MCF2L: variants seen among roughly 807,000 people sequenced by gnomAD.
The protein encoded by MCF2L is MCF.2 cell line derived transforming sequence like.
MCF2L carries 97 observed loss-of-function variants against 153.4 expected under a neutral mutation model. The observed-to-expected ratio is 0.63, with a 90% CI of 0.54 to 0.75. The LOEUF is 0.75. MCF2L is among the 30% of genes least tolerant of loss of function. The pLI, the probability that MCF2L is intolerant of heterozygous loss-of-function variation, is 0.00. For missense variants in MCF2L, 1,347 were observed against 1,495.2 expected (o/e 0.90, Z 1.64); for synonymous variants, 659 against 632.2 (o/e 1.04, Z -0.64).
chr13:112,926,156 C>T (rs778975088), intron 2 of MCF2L, among the ~76,000 whole-genome samples: 6 of 152,200 alleles, frequency 3.9e-5, no homozygotes, highest in South Asian at 4.1e-4. Context: ...CAGCGGAGTG[C>T]GGTACGGCCT....
chr13:113,085,175 C>G lies in MCF2L; in HGVS notation c.2244C>G (p.Leu748=). The change falls in exon 20 of 30, where the codon CTC becomes CTG. Residue 748 remains leucine, a synonymous_variant. Coordinates refer to ENST00000535094, the MANE Select transcript of MCF2L (RefSeq NM_001112732.3). ...VQRITKYQLL[L]KEMLKYSRNC... ...GGATCACCAAGTACCAGCTGCTGCT[C>G]AAGGTGGGCTCCGCGGTGACCGTGG... is the stretch of plus-strand genomic sequence containing the variant. The G allele has an allele frequency of 1.9e-6, 3 of 1,613,104 alleles. No homozygotes were observed. Among genetic ancestry groups the G allele is most frequent in the Non-Finnish European group, 2.5e-6 (3 of 1,179,838 alleles).
chr13:112,958,950 C>T (rs926887371), intron 2 of MCF2L, among the ~76,000 whole-genome samples: 27 of 152,268 alleles, frequency 1.8e-4, no homozygotes, highest in African/African-American at 6.0e-4. Context: ...GATGGCTGCA[C>T]CTCCCCCCGG....
chr13:113,050,229 T>A (rs1431190567), intron 4 of MCF2L, among the ~76,000 whole-genome samples: 51 of 151,026 alleles, frequency 3.4e-4, no homozygotes, highest in African/African-American at 1.1e-3. Context: ...ACTGTGTGAG[T>A]GTGTGAGTGT....
At chr13:112,972,080 TTCTTCAGGAA>T (rs2140831392) in intron 1 of MCF2L, among the ~76,000 whole-genome samples, 1 of 152,370 alleles carries the variant, frequency 6.6e-6, no homozygotes, top group South Asian at 2.1e-4. Context: ...CTTGATGAAG[TTCTTCAGGAA>T]TCAAACTTGG....
At chr13:113,020,532 G>C (rs541609794) in intron 2 of MCF2L, among the ~76,000 whole-genome samples, 8 of 152,342 alleles carry the variant, frequency 5.3e-5, no homozygotes, top group Admixed American at 4.6e-4. Flanking sequence ...CCGGATGAAG[G>C]CACCGGCAGA....
At chr13:112,977,235 A>G (rs1213954672) in intron 1 of MCF2L, among the ~76,000 whole-genome samples, 1 of 152,198 alleles carries the variant, frequency 6.6e-6, no homozygotes, top group Non-Finnish European at 1.5e-5. Flanking sequence ...CACATTGTAT[A>G]AAATAGACTC....
intron 2 of MCF2L, among the ~76,000 whole-genome samples, chr13:112,937,272 C>T (rs2081524577): frequency 6.6e-6 from 1 of 152,172 alleles, no homozygotes; most frequent in African/African-American, 2.4e-5. Context: ...CCAGGCTGAT[C>T]TCGAACTCCT....
chr13:113,029,909 G>A (rs1273372014), intron 3 of MCF2L, among the ~76,000 whole-genome samples: 3 of 152,200 alleles, frequency 2.0e-5, no homozygotes, highest in South Asian at 2.1e-4. Context: ...CAAATCTCTC[G>A]TGAAGGCTGC....
intron 1 of MCF2L, among the ~76,000 whole-genome samples, chr13:113,011,957 T>TGC (rs2084160083): frequency 9.3e-6 from 1 of 107,634 alleles, no homozygotes; most frequent in African/African-American, 3.3e-5. Flanking sequence ...ACAGGCGGTG[T>TGC]GGACGGTGGA....
intron 1 of MCF2L, among the ~76,000 whole-genome samples, chr13:112,980,200 G>A (rs1230194853): frequency 6.6e-6 from 1 of 152,242 alleles, no homozygotes; most frequent in Non-Finnish European, 1.5e-5. Flanking sequence ...GACCAAGAAT[G>A]CCATTCAGGA....
Position 113,088,390 on chromosome 13 carries a change from C to T in MCF2L, c.2752C>T (p.Leu918=). 1 of 1,614,022 alleles carries T rather than the reference C, an allele frequency of 6.2e-7. No homozygotes were observed. The highest frequency in any genetic ancestry group is 8.5e-7 in the Non-Finnish European group (1 of 1,180,026). The change falls in exon 24 of 30, where the codon CTG becomes TTG. Residue 918 remains leucine (L), a synonymous_variant. Coordinates refer to ENST00000535094, the MANE Select transcript of MCF2L (RefSeq NM_001112732.3). ...NEIRKVLTSQ[L]QACREASQHR... is the part of the protein sequence containing the mutation. ...AATTCGGAAAGTGCTGACCAGCCAG[C>T]TGCAGGCTTGTAGAGGTGAGGCTGT...
At chr13:112,934,620 T>G (rs2081496952) in intron 2 of MCF2L, among the ~76,000 whole-genome samples, 1 of 85,608 alleles carries the variant, frequency 1.2e-5, no homozygotes, top group South Asian at 3.4e-4. Context: ...GGTTGGGACC[T>G]CAAGTCTGTC....
chr13:112,911,940 A>C (rs904936016), intron 2 of MCF2L, among the ~76,000 whole-genome samples: 1 of 152,252 alleles, frequency 6.6e-6, no homozygotes, highest in African/African-American at 2.4e-5. Context: ...TAGGTGGCCA[A>C]TCCGCCAAGA....
Position 113,074,528 on chromosome 13 carries a change from C to T in MCF2L, c.1081C>T (p.Leu361=), listed in dbSNP as rs1207383838. ...CAGCCTGGCGCATGTGGAGCACCTGCTGAGGGACCTGGCCAGCTTCGAGGA... is the reference window on the plus strand; with the variant it reads ...CAGCCTGGCGCATGTGGAGCACCTGTTGAGGGACCTGGCCAGCTTCGAGGA... The part of the protein sequence containing the change: ...GNSLAHVEHL[L]RDLASFEEKS... The change falls in exon 10 of 30, where the codon CTG becomes TTG. Residue 361 remains leucine (L), a synonymous_variant. Coordinates refer to ENST00000535094, the MANE Select transcript of MCF2L (RefSeq NM_001112732.3). This position sits in a 1 kb window ranked among gnomAD's most constrained non-coding sequence, Gnocchi z 4.2. 6.8e-6 allele frequency: 11 copies of T among 1,614,070 alleles called. No homozygotes were observed. Among genetic ancestry groups the T allele is most frequent in the Non-Finnish European group, 9.3e-6 (11 of 1,180,016 alleles).
chr13:112,895,918 A>G (rs1387514052), intron 1 of MCF2L, among the ~76,000 whole-genome samples: 1 of 151,942 alleles, frequency 6.6e-6, no homozygotes, highest in African/African-American at 2.4e-5. Context: ...CGTGGCTCAA[A>G]CTTCCACATT....
At chr13:112,953,929 G>T (rs558647099) in intron 2 of MCF2L, among the ~76,000 whole-genome samples, 1 of 152,228 alleles carries the variant, frequency 6.6e-6, no homozygotes, top group Non-Finnish European at 1.5e-5. Flanking sequence ...TTTCCAGGTC[G>T]CATATGAGTG....
At chr13:112,964,368 C>T (rs1323869567), upstream of MCF2L, among the ~76,000 whole-genome samples, 1 of 152,186 alleles carries the variant, frequency 6.6e-6, no homozygotes. Context: ...CCCGGGCTGC[C>T]CCCAGGATGG....
chr13:112,927,492 G>A (rs986348510), intron 2 of MCF2L, among the ~76,000 whole-genome samples: 1 of 152,130 alleles, frequency 6.6e-6, no homozygotes, highest in East Asian at 1.9e-4. Flanking sequence ...GGGGAAAAAT[G>A]TTTCCAACGA....
intron 1 of MCF2L, among the ~76,000 whole-genome samples, chr13:113,012,894 G>A (rs1410725396): frequency 2.4e-5 from 2 of 82,064 alleles, no homozygotes; most frequent in Non-Finnish European, 2.5e-5. Context: ...GTGGACAGGC[G>A]GTGTGGACGG....
Sources: allele counts gnomAD v4.1 joint callset (sites outside exome capture counted in the v4.1 genomes callset), GRCh38; gene constraint gnomAD v4.1.1; non-coding constraint Gnocchi (gnomAD v3.1); transcripts MANE v1.5; gene names NCBI Gene and HGNC (gene_info 2026-07-23, HGNC 2026-07-21).